DDX10: variants seen among roughly 807,000 people sequenced by gnomAD.
DDX10 encodes the protein probable ATP-dependent RNA helicase DDX10.
A neutral mutation model predicts 104.3 loss-of-function variants in DDX10; 74 were observed. The ratio of observed to expected loss-of-function variants is 0.71; its 90% CI spans 0.59 to 0.86. The LOEUF (loss-of-function observed/expected upper bound fraction) is 0.86. Ranked by LOEUF, DDX10 falls within the 40% of genes least tolerant of loss-of-function variation. The pLI is 0.00. For missense variants in DDX10, 952 were observed against 1,040.0 expected, an observed-to-expected ratio of 0.92 and a Z score of 1.16; for synonymous variants, 351 against 353.4, an observed-to-expected ratio of 0.99 and a Z score of 0.08.
intron 16 of DDX10, among the ~76,000 whole-genome samples, chr11:108,894,317 A>T (rs1401634724): frequency 6.6e-6 from 1 of 152,068 alleles, no homozygotes; most frequent in African/African-American, 2.4e-5. Flanking sequence ...GGTGGTAAAG[A>T]TGTAGGAAAT....
rs956940069 is a variant in DDX10 at position 108,678,422 on chromosome 11, C to T, written c.645C>T (p.Asp215=). ...AAACAGTATCTTTTCATGCTACCGA[C>T]CTCCAAATGTTAGGTGAGTCAAATC... ...MDETVSFHAT[D]LQMLVLDEAD... is the part of the protein sequence containing the mutation. Residue 215 remains aspartate, a synonymous_variant, in exon 5 of 18, where the codon GAC becomes GAT. Transcript: ENST00000322536. 6.2e-7 allele frequency: 1 copy of T among 1,601,146 alleles called. No individual in the cohort carries two copies. The highest frequency in any genetic ancestry group is 8.5e-7 in the Non-Finnish European group (1 of 1,174,708).
In DDX10 at chr11:108,871,740, C is replaced by T. The variant is rs537528679; in HGVS notation, c.2304+19531C>T. Among the ~76,000 whole-genome samples, 224 of 152,170 alleles carry T rather than the reference C, an allele frequency of 1.5e-3. 4 individuals carry two copies. In the Middle Eastern group the frequency reaches 0.031, roughly 21 times the overall value. On this transcript the variant is annotated intron_variant, in intron 16 of 17. Transcript: ENST00000322536. The stretch of plus-strand genomic sequence containing the variant: ...GTAGGGGGTTCTGAGACCAGCCTGA[C>T]CAACATGGAGAAACCCCATCTCTAC...
chr11:108,695,414 CA>C (rs2094258356), intron 9 of DDX10, among the ~76,000 whole-genome samples: 1 of 152,134 alleles, frequency 6.6e-6, no homozygotes, highest in African/African-American at 2.4e-5. Context: ...AAAACTTTCC[CA>C]GGGATGTGAG....
chr11:108,835,874 G>A (rs918380620), intron 13 of DDX10, among the ~76,000 whole-genome samples: 2 of 152,030 alleles, frequency 1.3e-5, no homozygotes, highest in African/African-American at 4.8e-5. Context: ...GCCTTTGATC[G>A]TTTGTTACTC....
At chr11:108,917,791 A>G in intron 16 of DDX10, 82 bp from the exon 17 acceptor site, 1 of 1,371,960 alleles carries the variant, frequency 7.3e-7, no homozygotes, top group Non-Finnish European at 1.0e-6. Context: ...TTAGAGGGAT[A>G]TCCATTGGGG....
chr11:108,773,619 T>C (rs1394757327), intron 13 of DDX10, among the ~76,000 whole-genome samples: 1 of 152,094 alleles, frequency 6.6e-6, no homozygotes, highest in Non-Finnish European at 1.5e-5. Context: ...TTGTCAGCTC[T>C]TCCTGGAATC....
chr11:108,870,678 T>C (rs1863068318), intron 16 of DDX10, among the ~76,000 whole-genome samples: 1 of 152,230 alleles, frequency 6.6e-6, no homozygotes, highest in South Asian at 2.1e-4. Context: ...CCTCTTATCC[T>C]GTATTCTCTT....
chr11:108,747,607 TG>T (rs2094333422), intron 13 of DDX10, among the ~76,000 whole-genome samples: 1 of 152,146 alleles, frequency 6.6e-6, no homozygotes, highest in Non-Finnish European at 1.5e-5. Flanking sequence ...CTGTGGAACT[TG>T]TTTACTTACC....
intron 13 of DDX10, among the ~76,000 whole-genome samples, chr11:108,751,835 A>G (rs1164095082): frequency 1.3e-5 from 2 of 152,194 alleles, no homozygotes; most frequent in African/African-American, 4.8e-5. Flanking sequence ...CTTTCAGTCT[A>G]AATCACACCT....
Position 108,691,931 on chromosome 11 carries a change from C to T in DDX10, c.1031C>T (p.Ala344Val), listed in dbSNP as rs759430194. The T allele has an allele frequency of 1.2e-6, 2 of 1,614,070 alleles. No homozygotes were observed. The highest frequency in any genetic ancestry group is 1.7e-6 in the Non-Finnish European group (2 of 1,180,016). The change falls in exon 8 of 18, where the codon GCA (alanine) becomes GTA (valine). Residue 344 changes from alanine (A) to valine (V), a missense_variant. By Grantham distance (64) the Ala-to-Val change is moderately conservative (BLOSUM62 0). This residue lies in a region of DDX10 where 412 missense variants were observed against 479.2 expected (regional missense o/e 0.86). Transcript: ENST00000322536. Reference sequence around the variant, plus strand: ...CTACGTCCTGGTGTTTCTATCCTTGCACTCCATGGTCGACAGCAGCAAATG... The same window carrying T: ...CTACGTCCTGGTGTTTCTATCCTTGTACTCCATGGTCGACAGCAGCAAATG... ...CRLRPGVSILALHGRQQQMRR... is the reference protein window; with the variant it reads ...CRLRPGVSILVLHGRQQQMRR...
At chr11:108,682,613 TCCTA>T (rs1024899965) in intron 6 of DDX10, among the ~76,000 whole-genome samples, 2 of 152,222 alleles carry the variant, frequency 1.3e-5, no homozygotes, top group African/African-American at 2.4e-5. Flanking sequence ...CTTTACTTCT[TCCTA>T]CCTTTGTGTC....
At chr11:108,772,858 C>G (rs1255593250) in intron 13 of DDX10, among the ~76,000 whole-genome samples, 2 of 152,214 alleles carry the variant, frequency 1.3e-5, no homozygotes, top group African/African-American at 4.8e-5. Context: ...GAAAAATTGT[C>G]TTCCACAAGA....
At chr11:108,924,925 C>T (rs1863888418) in intron 17 of DDX10, among the ~76,000 whole-genome samples, 1 of 152,166 alleles carries the variant, frequency 6.6e-6, no homozygotes, top group Admixed American at 6.5e-5. Context: ...TTATGAATCT[C>T]ATTGTGTGTA....
intron 13 of DDX10, among the ~76,000 whole-genome samples, chr11:108,810,489 G>C (rs928499540): frequency 2.6e-5 from 4 of 152,184 alleles, no homozygotes; most frequent in Non-Finnish European, 5.9e-5. Flanking sequence ...TAGGGTGTGT[G>C]TGTGTGAGAG....
chr11:108,714,131 T>C (rs985917705), intron 10 of DDX10, among the ~76,000 whole-genome samples: 1 of 152,246 alleles, frequency 6.6e-6, no homozygotes, highest in African/African-American at 2.4e-5. Flanking sequence ...ATTTTTCTGA[T>C]ATTTACTGTG....
intron 4 of DDX10, among the ~76,000 whole-genome samples, chr11:108,677,833 A>G (rs908077422): frequency 6.6e-5 from 10 of 151,838 alleles, no homozygotes; most frequent in Non-Finnish European, 1.3e-4. Context: ...TAACTTTAAC[A>G]ATTAACAACA....
At chr11:108,809,785 A>G (rs1862153286) in intron 13 of DDX10, among the ~76,000 whole-genome samples, 1 of 152,196 alleles carries the variant, frequency 6.6e-6, no homozygotes, top group Non-Finnish European at 1.5e-5. Context: ...TGCTTGGCAT[A>G]CATAGTAGTC....
intron 17 of DDX10, chr11:108,919,274 C>T (rs1863792284): frequency 6.6e-6 from 1 of 152,038 alleles, no homozygotes; most frequent in Admixed American, 6.6e-5. Context: ...CATTGTTTTA[C>T]TACCACAAGA....
intron 6 of DDX10, among the ~76,000 whole-genome samples, chr11:108,687,213 T>C (rs1374482793): frequency 6.6e-6 from 1 of 152,260 alleles, no homozygotes; most frequent in Non-Finnish European, 1.5e-5. Flanking sequence ...GTGTCGTCAC[T>C]GTTCTGGATT....
Sources: gnomAD v4.1 joint callset for allele counts (sites outside exome capture counted in the v4.1 genomes callset) on GRCh38, gnomAD v4.1.1 for gene constraint, gnomAD v4.1.1 regional missense constraint, MANE v1.5 for transcripts, NCBI Gene and HGNC (gene_info 2026-07-23, HGNC 2026-07-21) for gene names.